Variants in CEP112 observed in about 807,000 individuals in gnomAD.
CEP112 encodes the protein centrosomal protein of 112 kDa.
In CEP112, 127 loss-of-function variants were observed where a neutral mutation model predicts 153.0. The observed-to-expected ratio is 0.83, with a 90% CI of 0.72 to 0.96. CEP112 has a LOEUF of 0.96. CEP112 is among the 40% of genes least tolerant of loss of function. The probability of loss-of-function intolerance (pLI) is 0.00; values close to 1 mark genes in which losing one functional copy is unlikely to be tolerated. For missense variants in CEP112, 1,089 were observed against 1,101.2 expected (o/e 0.99, Z 0.16); for synonymous variants, 358 against 374.4 (o/e 0.96, Z 0.51).
chr17:65,715,833 G>A (rs572109897), intron 23 of CEP112, among the ~76,000 whole-genome samples: 3 of 152,126 alleles, frequency 2.0e-5, no homozygotes, highest in African/African-American at 7.2e-5. Context: ...GTTGAATGCC[G>A]ATCAGGGGAG....
chr17:65,977,117 A>C (rs780928527), intron 17 of CEP112, among the ~76,000 whole-genome samples: 23 of 152,162 alleles, frequency 1.5e-4, no homozygotes, highest in Non-Finnish European at 2.8e-4. Context: ...AAGACATGAG[A>C]TCTCAGCGAA....
intron 21 of CEP112, among the ~76,000 whole-genome samples, chr17:65,818,351 A>G (rs1679348771): frequency 6.6e-6 from 1 of 151,926 alleles, no homozygotes. Flanking sequence ...CAAAAGCCAC[A>G]TATTTTAAGA....
chr17:66,035,939 T>C (rs1436390329), intron 12 of CEP112, among the ~76,000 whole-genome samples: 1 of 152,114 alleles, frequency 6.6e-6, no homozygotes. Context: ...CAAATACACA[T>C]CCACACTGGG....
intron 23 of CEP112, among the ~76,000 whole-genome samples, chr17:65,718,127 T>C (rs1394918118): frequency 6.6e-6 from 1 of 152,218 alleles, no homozygotes; most frequent in East Asian, 1.9e-4. Context: ...TATTTTTGGC[T>C]GGGCGCGGTG....
At chr17:66,080,431 A>C (rs973283036) in intron 8 of CEP112, among the ~76,000 whole-genome samples, 2 of 152,260 alleles carry the variant, frequency 1.3e-5, no homozygotes, top group African/African-American at 2.4e-5. Context: ...ATCACTGGTC[A>C]TTAGAGAAAT....
chr17:66,111,014 T>C (rs1436653596), intron 6 of CEP112, among the ~76,000 whole-genome samples: 1 of 151,308 alleles, frequency 6.6e-6, no homozygotes, highest in Non-Finnish European at 1.5e-5. Flanking sequence ...ATTTACAAGA[T>C]AAAAACAAGC....
chr17:65,876,545 G>A (rs2058833058), intron 20 of CEP112, among the ~76,000 whole-genome samples: 1 of 152,040 alleles, frequency 6.6e-6, no homozygotes, highest in African/African-American at 2.4e-5. Context: ...GTGGAGACAT[G>A]GACCTTTTCT....
rs1567790117 is a variant in CEP112 at position 65,635,983 on chromosome 17, C to T, written c.2865-9G>A. The T allele has an allele frequency of 6.3e-7, 1 of 1,598,794 alleles. No individual in the cohort carries two copies. On this transcript the variant is annotated splice_polypyrimidine_tract_variant and intron_variant, in intron 26 of 26. Transcript: ENST00000535342. ...TTCTCTCGTGCAGTTACCTGTAAAC[C>T]AAAAATCGCAGTCACGACTTTCTCT...
chr17:65,999,831 T>C (rs2063946713), intron 17 of CEP112, among the ~76,000 whole-genome samples: 1 of 152,166 alleles, frequency 6.6e-6, no homozygotes, highest in Non-Finnish European at 1.5e-5. Context: ...TTTGGTTTTC[T>C]GTTCCCGCAT....
chr17:66,118,189 T>C (rs1340016861), intron 6 of CEP112, among the ~76,000 whole-genome samples: 2 of 152,240 alleles, frequency 1.3e-5, no homozygotes, highest in Non-Finnish European at 1.5e-5. Flanking sequence ...GAAATCAGTA[T>C]ATGGAAGAGA....
intron 24 of CEP112, among the ~76,000 whole-genome samples, chr17:65,674,310 T>A (rs1406795110): frequency 6.6e-6 from 1 of 152,222 alleles, no homozygotes; most frequent in Non-Finnish European, 1.5e-5. Context: ...TTCCCAGGTC[T>A]GTTTCAAAAT....
intron 24 of CEP112, among the ~76,000 whole-genome samples, chr17:65,669,711 G>A (rs938278838): frequency 2.0e-5 from 3 of 152,080 alleles, no homozygotes; most frequent in African/African-American, 7.2e-5. Flanking sequence ...AGACCATCCT[G>A]GCTAACACGG....
intron 21 of CEP112, among the ~76,000 whole-genome samples, chr17:65,761,861 G>A (rs113618425): frequency 6.6e-6 from 1 of 152,080 alleles, no homozygotes; most frequent in Admixed American, 6.6e-5. Flanking sequence ...GAATGTGTAT[G>A]CCGCTGCTGT....
chr17:65,694,719 C>T (rs1213471806), intron 23 of CEP112, among the ~76,000 whole-genome samples: 1 of 152,150 alleles, frequency 6.6e-6, no homozygotes, highest in African/African-American at 2.4e-5. Flanking sequence ...ATTAGAGTTC[C>T]AACCTCAGAA....
At chr17:65,983,857 A>G (rs9894229) in intron 17 of CEP112, among the ~76,000 whole-genome samples, 77,660 of 152,022 alleles carry the variant, frequency 0.51, 20,747 homozygotes, top group African/African-American at 0.57. Flanking sequence ...TGACCAGTCT[A>G]ACAGAGACCT....
At chr17:66,120,104 G>A (rs537633174) in intron 6 of CEP112, among the ~76,000 whole-genome samples, 6 of 152,230 alleles carry the variant, frequency 3.9e-5, no homozygotes, top group African/African-American at 1.4e-4. Context: ...TCCCTCTTCC[G>A]GTGGAGATGG....
At chr17:66,117,419 A>C (rs1484752318) in intron 6 of CEP112, among the ~76,000 whole-genome samples, 6 of 152,226 alleles carry the variant, frequency 3.9e-5, no homozygotes, top group Non-Finnish European at 7.3e-5. Flanking sequence ...CAAGACCAAA[A>C]AAAAAATAAA....
chr17:65,966,976 G>A (rs56247412), intron 17 of CEP112, among the ~76,000 whole-genome samples: 10,032 of 152,230 alleles, frequency 0.066, 479 homozygotes, highest in African/African-American at 0.12. Context: ...GTGTCTAGAA[G>A]ATGGAAAAGG....
intron 4 of CEP112, among the ~76,000 whole-genome samples, chr17:66,143,304 CA>C (rs1428081312): frequency 6.6e-6 from 1 of 152,144 alleles, no homozygotes; most frequent in Non-Finnish European, 1.5e-5. Context: ...AATCCAAGGG[CA>C]AAGATCAAAT....
Sources: gnomAD v4.1 joint callset for allele counts (sites outside exome capture counted in the v4.1 genomes callset) on GRCh38, gnomAD v4.1.1 for gene constraint, MANE v1.5 for transcripts, NCBI Gene and HGNC (gene_info 2026-07-23, HGNC 2026-07-21) for gene names.